The following RYR2 variants were observed in gnomAD, a reference collection of about 807,000 sequenced individuals.
The protein encoded by RYR2 is ryanodine receptor 2.
Under a neutral mutation model 601.1 loss-of-function variants are expected in RYR2, and 227 were observed. That is an observed-to-expected ratio of 0.38 (90% CI 0.34 to 0.42). RYR2 has a LOEUF of 0.42. Among genes scored for constraint, RYR2 ranks in the 10% least tolerant of loss-of-function variants. The pLI, the probability that RYR2 is intolerant of heterozygous loss-of-function variation, is 1.00. For synonymous variants in RYR2, 2,223 were observed against 2,175.1 expected, an observed-to-expected ratio of 1.02 and a Z score of -0.61; for missense variants, 4,646 against 6,156.5, an observed-to-expected ratio of 0.75 and a Z score of 8.21.
intron 1 of RYR2, among the ~76,000 whole-genome samples, chr1:237,268,704 G>A (rs780131625): frequency 6.6e-5 from 10 of 151,942 alleles, no homozygotes; most frequent in Admixed American, 3.3e-4. Flanking sequence ...TTGGGAGGCC[G>A]AGGCGGGCGG....
At chr1:237,090,462 G>A (rs1378052051) in intron 1 of RYR2, among the ~76,000 whole-genome samples, 2 of 152,090 alleles carry the variant, frequency 1.3e-5, no homozygotes, top group Non-Finnish European at 2.9e-5. Flanking sequence ...ACAGTTGAAG[G>A]TGCCACATTG....
intron 65 of RYR2, among the ~76,000 whole-genome samples, chr1:237,700,883 A>C (rs1687911126): frequency 6.6e-6 from 1 of 152,238 alleles, no homozygotes; most frequent in Non-Finnish European, 1.5e-5. Flanking sequence ...AAGACGACTG[A>C]GACAAAGTCT....
chr1:237,638,609 A>G lies in RYR2; in HGVS notation c.6928+117A>G, dbSNP rs189281133. ...TATTAGTAAAGAAATCACATATTTTATAATCGATAGGGGTTTTTCACAGTA... is the reference window on the plus strand; with the variant it reads ...TATTAGTAAAGAAATCACATATTTTGTAATCGATAGGGGTTTTTCACAGTA... On this transcript the variant is annotated intron_variant, in intron 45 of 104. Coordinates refer to ENST00000366574, the MANE Select transcript of RYR2 (RefSeq NM_001035.3). The G allele has an allele frequency of 1.5e-5, 17 of 1,133,410 alleles. No homozygotes were observed. In the African/African-American group the frequency reaches 2.5e-4, roughly 17 times the overall value. The allele number at this position is 1,133,410 out of a possible 1,614,324, so 70.2% of individuals were successfully genotyped here.
intron 1 of RYR2, among the ~76,000 whole-genome samples, chr1:237,248,056 G>A (rs1263927462): frequency 1.2e-4 from 19 of 152,014 alleles, no homozygotes; most frequent in African/African-American, 4.3e-4. Context: ...GGCAGATCAC[G>A]AGGTCAGAAG....
At chr1:237,818,626 C>A (rs947609425) in intron 100 of RYR2, among the ~76,000 whole-genome samples, 15 of 152,014 alleles carry the variant, frequency 9.9e-5, no homozygotes, top group Admixed American at 5.9e-4. Flanking sequence ...TTCTAAGATT[C>A]CATCTTATTA....
intron 33 of RYR2, among the ~76,000 whole-genome samples, chr1:237,594,923 T>G (rs1254070466): frequency 3.3e-5 from 3 of 90,772 alleles, no homozygotes; most frequent in African/African-American, 1.0e-4. Context: ...TTTTTTTTTT[T>G]TTTTTTTTGC....
At chr1:237,340,480 C>A (rs886780928) in intron 3 of RYR2, among the ~76,000 whole-genome samples, 1 of 152,170 alleles carries the variant, frequency 6.6e-6, no homozygotes, top group African/African-American at 2.4e-5. Context: ...TAATTACCTA[C>A]CCAACACTCT....
chr1:237,131,171 C>T (rs1393307999), intron 1 of RYR2, among the ~76,000 whole-genome samples: 1 of 152,092 alleles, frequency 6.6e-6, no homozygotes, highest in Non-Finnish European at 1.5e-5. Flanking sequence ...AAGATAATGA[C>T]AGTTCCCCCT....
At chr1:237,656,532 C>T (rs1309481970) in intron 53 of RYR2, among the ~76,000 whole-genome samples, 2 of 152,184 alleles carry the variant, frequency 1.3e-5, no homozygotes, top group Non-Finnish European at 2.9e-5. Context: ...TGTTTGGGAA[C>T]TTCAGGTGTT....
At chr1:237,624,804 A>C (rs1476489757) in intron 39 of RYR2, among the ~76,000 whole-genome samples, 1 of 152,194 alleles carries the variant, frequency 6.6e-6, no homozygotes, top group East Asian at 1.9e-4. Context: ...TCAATGAAAG[A>C]AAATGAACCA....
rs79862521 is a variant in RYR2, at chr1:237,638,496, G to A, written c.6928+4G>A. 4,166 of 1,613,474 alleles carry A rather than the reference G, an allele frequency of 2.6e-3. 66 individuals are homozygous for A. The African/African-American group carries it at 0.04, about 15-fold the overall frequency. The stretch of plus-strand genomic sequence containing the variant: ...AGATTTGCTGTCTTCTGTAATGGTA[G>A]GACTTGATTTCTTGAGGTCTTTTGA... On this transcript the variant is annotated splice_donor_region_variant and intron_variant, in intron 45 of 104. Transcript: ENST00000366574.
At chr1:237,345,962 TTTAC>T (rs1698268701) in intron 3 of RYR2, among the ~76,000 whole-genome samples, 2 of 152,160 alleles carry the variant, frequency 1.3e-5, no homozygotes, top group South Asian at 2.1e-4. Context: ...TACTGTATTA[TTTAC>T]TTAGCACCCA....
At chr1:237,156,680 C>T (rs1675372326) in intron 1 of RYR2, among the ~76,000 whole-genome samples, 1 of 152,094 alleles carries the variant, frequency 6.6e-6, no homozygotes, top group South Asian at 2.1e-4. Context: ...GAATGAAATG[C>T]TTAAGTGAAT....
chr1:237,736,831 AC>A (rs1321475094), intron 79 of RYR2, among the ~76,000 whole-genome samples: 1 of 152,240 alleles, frequency 6.6e-6, no homozygotes, highest in Non-Finnish European at 1.5e-5. Flanking sequence ...TGTGAGGACA[AC>A]TAGCAATTCT....
rs59359847 is a variant in RYR2 at position 237,669,878 on chromosome 1, A to C, written c.8590+1920A>C. On this transcript the variant is annotated intron_variant, in intron 58 of 104. Transcript: ENST00000366574. ...CAGGCAGAGACGCTCCTCACTTCCC[A>C]GACGGGGTGGCGGCCGGGCAGAGGC... 8.6e-5 allele frequency among the ~76,000 whole-genome samples: 13 copies of C among 151,902 alleles called. No individual in the cohort carries two copies. In the East Asian group the frequency reaches 2.6e-3, roughly 30 times the overall value.
intron 1 of RYR2, among the ~76,000 whole-genome samples, chr1:237,150,801 T>C (rs1455360016): frequency 6.6e-6 from 1 of 152,192 alleles, no homozygotes; most frequent in Non-Finnish European, 1.5e-5. Context: ...GAGGAATTAA[T>C]AGAGAATTCC....
chr1:237,381,824 A>G (rs1334767480), intron 8 of RYR2, among the ~76,000 whole-genome samples: 4 of 152,210 alleles, frequency 2.6e-5, no homozygotes, highest in Non-Finnish European at 5.9e-5. Context: ...CCTCACCCAG[A>G]TAATGTCTTT....
chr1:237,831,492 A>G (rs1487941848), intron 103 of RYR2, 22 bp from the exon 104 acceptor site: 1 of 1,373,118 alleles, frequency 7.3e-7, no homozygotes, highest in Non-Finnish European at 1.0e-6. Context: ...TTCATTTCTG[A>G]TCAGTTTCTC....
chr1:237,748,882 C>G (rs904175698), intron 80 of RYR2, among the ~76,000 whole-genome samples: 1 of 152,108 alleles, frequency 6.6e-6, no homozygotes, highest in Admixed American at 6.6e-5. Context: ...TGTCACTGTT[C>G]CCTAAACAAT....
Sources: allele counts gnomAD v4.1 joint callset (sites outside exome capture counted in the v4.1 genomes callset), GRCh38; gene constraint gnomAD v4.1.1; transcripts MANE v1.5; gene names NCBI Gene and HGNC (gene_info 2026-07-23, HGNC 2026-07-21).